NCOA1: variants seen among roughly 807,000 people sequenced by gnomAD.
The protein encoded by NCOA1 is Hin-2 protein.
A neutral mutation model predicts 150.9 loss-of-function variants in NCOA1; 35 were observed. That is an observed-to-expected ratio of 0.23 (90% CI 0.18 to 0.31). The LOEUF (loss-of-function observed/expected upper bound fraction) is 0.31, where lower values mean the gene tolerates loss of function less well. Ranked by LOEUF, NCOA1 falls within the 10% of genes least tolerant of loss-of-function variation. The pLI is 1.00. For missense variants in NCOA1, 1,491 were observed against 1,749.3 expected, an observed-to-expected ratio of 0.85 and a Z score of 2.63; for synonymous variants, 590 against 630.0, an observed-to-expected ratio of 0.94 and a Z score of 0.95.
Position 24,769,685 on chromosome 2 carries a change from AT to A in NCOA1, c.*1298del. On this transcript the variant is annotated 3_prime_UTR_variant, in exon 23 of 23. Transcript: ENST00000348332. ...CTGCTCTGAGGCTAATTGGTACCAT[AT>A]TTTCCCTTTGTGTCTTGTGACTCTG... 4.6e-6 allele frequency: 1 copy of A among 216,844 alleles called. No homozygotes were observed. Among genetic ancestry groups the A allele is most frequent in the Non-Finnish European group, 9.3e-6 (1 of 107,518 alleles). 13.4% of individuals were successfully genotyped at this position (216,844 alleles called of 1,614,324 possible). A position where few individuals can be genotyped will look rare whatever the true frequency, so the allele number is the denominator to read the frequency against.
intron 3 of NCOA1, among the ~76,000 whole-genome samples, chr2:24,643,241 C>G (rs1037403360): frequency 6.6e-6 from 1 of 152,144 alleles, no homozygotes; most frequent in African/African-American, 2.4e-5. Flanking sequence ...TCCTTTAAAC[C>G]TAGCCTCTCT....
At position 24,742,242 on chromosome 2, in the gene NCOA1, T is replaced by C. The variant is rs879610035; in HGVS notation, c.3706+56T>C. ...AGTAATCCATACAGGCTTAGGTCTC[T>C]CTCCATCTTTATGTCTGTGCTTGGA... is the stretch of plus-strand genomic sequence containing the variant. On this transcript the variant is annotated intron_variant, in intron 19 of 22. Coordinates refer to ENST00000348332, the MANE Select transcript of NCOA1 (RefSeq NM_003743.5). 10 of 1,521,500 alleles carry C rather than the reference T, an allele frequency of 6.6e-6. No individual in the cohort carries two copies. In the African/African-American group the frequency reaches 1.2e-4, roughly 19 times the overall value. 94.2% of individuals were successfully genotyped at this position (1,521,500 alleles called of 1,614,324 possible). A position where few individuals can be genotyped will look rare whatever the true frequency, so the allele number is the denominator to read the frequency against.
intron 1 of NCOA1, among the ~76,000 whole-genome samples, chr2:24,527,398 G>A (rs1664696421): frequency 6.6e-6 from 1 of 152,028 alleles, no homozygotes; most frequent in South Asian, 2.1e-4. Context: ...CCATATGTGA[G>A]GTCATATAAT....
intron 4 of NCOA1, 76 bp from the exon 5 acceptor site, chr2:24,658,585 G>C (rs1369232893): frequency 9.6e-7 from 1 of 1,044,856 alleles, no homozygotes; most frequent in Admixed American, 1.9e-5. Flanking sequence ...TTTTCTAACA[G>C]AGGGGAGCTT....
intron 3 of NCOA1, among the ~76,000 whole-genome samples, chr2:24,642,037 T>TGTGCGCGCGC (rs942145000): frequency 7.2e-6 from 1 of 138,450 alleles, no homozygotes; most frequent in African/African-American, 2.6e-5. Context: ...TGTGTGTGTG[T>TGTGCGCGCGC]GCGCGCGTGC....
intron 3 of NCOA1, among the ~76,000 whole-genome samples, chr2:24,604,302 G>A (rs1347115643): frequency 1.3e-5 from 2 of 152,182 alleles, no homozygotes; most frequent in African/African-American, 4.8e-5. Context: ...CAAGTCACCA[G>A]CTGCATTAGC....
chr2:24,563,195 C>T (rs370843225), intron 1 of NCOA1, among the ~76,000 whole-genome samples: 1 of 152,078 alleles, frequency 6.6e-6, no homozygotes, highest in East Asian at 1.9e-4. Flanking sequence ...TCCAGAGGTC[C>T]TTGTGGAAAA....
rs774491757 is a variant in NCOA1, at chr2:24,768,250, C to T, written c.4185C>T (p.Asp1395=). ...QQVQQVQVFA[D]VQCTVNLVGG... ...TGCAACAGGTTCAGGTGTTTGCTGA[C>T]GTCCAGTGTACAGTGAATCTGGTAG... is the stretch of plus-strand genomic sequence containing the variant. The change falls in exon 23 of 23, where the codon GAC becomes GAT. Residue 1395 remains aspartate, a synonymous_variant. Coordinates refer to ENST00000348332, the MANE Select transcript of NCOA1 (RefSeq NM_003743.5). 1.9e-5 allele frequency: 31 copies of T among 1,613,118 alleles called. No individual in the cohort carries two copies. The highest frequency in any genetic ancestry group is 3.3e-5 in the Admixed American group (2 of 59,928).
In NCOA1 at chr2:24,531,532, G is replaced by A. The variant is rs923779968; in HGVS notation, c.-395-32763G>A. On this transcript the variant is annotated intron_variant, in intron 1 of 22. Transcript: ENST00000348332. ...GCAGGTTTGTTACATAGGTATACATGTGCCATGTTGGTTTGCTGCACCTAT... is the reference window on the plus strand; with the variant it reads ...GCAGGTTTGTTACATAGGTATACATATGCCATGTTGGTTTGCTGCACCTAT... Among the ~76,000 whole-genome samples, 6 of 152,198 alleles carry A rather than the reference G, an allele frequency of 3.9e-5. No homozygotes were observed. In the East Asian group the frequency reaches 1.2e-3, roughly 29 times the overall value.
intron 3 of NCOA1, among the ~76,000 whole-genome samples, chr2:24,639,843 G>A (rs1035365737): frequency 4.1e-5 from 6 of 147,108 alleles, no homozygotes; most frequent in Non-Finnish European, 7.5e-5. Flanking sequence ...AGCAGAGATC[G>A]TGCTATTGCA....
intron 14 of NCOA1, among the ~76,000 whole-genome samples, chr2:24,719,028 C>CAAAA (rs59556004): frequency 8.7e-5 from 3 of 34,444 alleles, no homozygotes; most frequent in Admixed American, 4.2e-4. Context: ...GACTCTGTCC[C>CAAAA]AAAAAAAAAA....
chr2:24,557,489 C>T (rs1666118391), intron 1 of NCOA1, among the ~76,000 whole-genome samples: 1 of 151,648 alleles, frequency 6.6e-6, no homozygotes, highest in Admixed American at 6.6e-5. Context: ...GCTACCCCCT[C>T]CCCCTCCTCC....
intron 4 of NCOA1, among the ~76,000 whole-genome samples, chr2:24,647,703 T>C (rs1434049918): frequency 1.3e-5 from 2 of 152,242 alleles, no homozygotes; most frequent in African/African-American, 4.8e-5. Context: ...TGCATATTAA[T>C]GGGCTTACAT....
At chr2:24,562,690 T>C (rs910785462) in intron 1 of NCOA1, among the ~76,000 whole-genome samples, 2 of 152,162 alleles carry the variant, frequency 1.3e-5, no homozygotes, top group African/African-American at 4.8e-5. Flanking sequence ...CACATGGTTG[T>C]GTGATTTTTC....
At chr2:24,538,861 A>G (rs72803299) in intron 1 of NCOA1, among the ~76,000 whole-genome samples, 7,879 of 152,240 alleles carry the variant, frequency 0.052, 291 homozygotes, top group East Asian at 0.2. Context: ...GAAGAAAAAA[A>G]ATGTGATATA....
At chr2:24,675,309 G>A (rs1671855403) in intron 7 of NCOA1, among the ~76,000 whole-genome samples, 1 of 152,216 alleles carries the variant, frequency 6.6e-6, no homozygotes, top group Non-Finnish European at 1.5e-5. Context: ...ATAGAACCAT[G>A]CTTGGAAATG....
chr2:24,612,238 C>T (rs1416771043), intron 3 of NCOA1, among the ~76,000 whole-genome samples: 1 of 152,156 alleles, frequency 6.6e-6, no homozygotes, highest in Non-Finnish European at 1.5e-5. Flanking sequence ...AATAGGCCCC[C>T]AATCTTATAC....
At chr2:24,678,048 C>G (rs539826409) in intron 7 of NCOA1, among the ~76,000 whole-genome samples, 3 of 152,170 alleles carry the variant, frequency 2.0e-5, no homozygotes, top group African/African-American at 7.2e-5. Context: ...ACCCCTGCCC[C>G]CAACAGGCCT....
intron 3 of NCOA1, among the ~76,000 whole-genome samples, chr2:24,589,416 T>C (rs904795292): frequency 6.6e-6 from 1 of 152,212 alleles, no homozygotes; most frequent in African/African-American, 2.4e-5. Flanking sequence ...AATCTGTATC[T>C]TAAGTTACCT....
Sources: gnomAD v4.1 joint callset for allele counts (sites outside exome capture counted in the v4.1 genomes callset) on GRCh38, gnomAD v4.1.1 for gene constraint, MANE v1.5 for transcripts, NCBI Gene and HGNC (gene_info 2026-07-23, HGNC 2026-07-21) for gene names.